PCDH9: variants seen among roughly 807,000 people sequenced by gnomAD.
PCDH9 encodes protocadherin 9, also known as protocadherin-9.
PCDH9 carries 24 observed loss-of-function variants against 70.6 expected under a neutral mutation model. The observed-to-expected ratio is 0.34, with a 90% CI of 0.25 to 0.48. PCDH9 has a LOEUF of 0.48. Among genes scored for constraint, PCDH9 ranks in the 20% least tolerant of loss-of-function variants. PCDH9 has a pLI of 0.99. For synonymous variants in PCDH9, 562 were observed against 558.5 expected, an observed-to-expected ratio of 1.01 and a Z score of -0.09; for missense variants, 1,281 against 1,503.6, an observed-to-expected ratio of 0.85 and a Z score of 2.45.
intron 2 of PCDH9, among the ~76,000 whole-genome samples, chr13:66,950,846 CATCT>C (rs1213284694): frequency 3.3e-5 from 5 of 152,076 alleles, no homozygotes; most frequent in African/African-American, 9.7e-5. Flanking sequence ...TCTATCTATC[CATCT>C]GTCATATGGC....
At chr13:66,799,547 A>G (rs958594148) in intron 3 of PCDH9, among the ~76,000 whole-genome samples, 1 of 152,178 alleles carries the variant, frequency 6.6e-6, no homozygotes, top group Non-Finnish European at 1.5e-5. Context: ...ATTAACTGCT[A>G]AGAACTATAA....
chr13:67,006,462 C>A (rs1301354270), intron 2 of PCDH9, among the ~76,000 whole-genome samples: 1 of 152,102 alleles, frequency 6.6e-6, no homozygotes, highest in African/African-American at 2.4e-5. Flanking sequence ...TACTGATTGC[C>A]AAGTCTCAAT....
At chr13:66,988,430 A>AT (rs2083936795) in intron 2 of PCDH9, among the ~76,000 whole-genome samples, 1 of 152,010 alleles carries the variant, frequency 6.6e-6, no homozygotes, top group Non-Finnish European at 1.5e-5. Context: ...ATTTATCCTC[A>AT]CTAAGCACAA....
chr13:66,991,578 CTT>C (rs2084003858), intron 2 of PCDH9, among the ~76,000 whole-genome samples: 1 of 151,920 alleles, frequency 6.6e-6, no homozygotes, highest in Non-Finnish European at 1.5e-5. Context: ...TCAAATTTGA[CTT>C]ATATATTGAA....
intron 4 of PCDH9, among the ~76,000 whole-genome samples, chr13:66,449,570 T>A (rs1958164974): frequency 6.6e-6 from 1 of 152,130 alleles, no homozygotes; most frequent in African/African-American, 2.4e-5. Flanking sequence ...TACGCCCACC[T>A]CACAAGAGTG....
intron 3 of PCDH9, among the ~76,000 whole-genome samples, chr13:66,810,484 AGC>A (rs1213416601): frequency 1.3e-5 from 2 of 152,048 alleles, no homozygotes; most frequent in Non-Finnish European, 2.9e-5. Context: ...AAAAATATAG[AGC>A]TTATAATATT....
rs529787932 is a variant in PCDH9, at chr13:66,662,199, G to T, written c.3139-30788C>A. Reference sequence around the variant, plus strand: ...TAAAGAATGTCACATAAGGCCGGGCGTGGTGGCTCACCCCTGTAATCCTGG... The same window carrying T: ...TAAAGAATGTCACATAAGGCCGGGCTTGGTGGCTCACCCCTGTAATCCTGG... On this transcript the variant is annotated intron_variant, in intron 3 of 4. Transcript: ENST00000377865. Among the ~76,000 whole-genome samples, 10 of 152,160 alleles carry T rather than the reference G, an allele frequency of 6.6e-5. No individual in the cohort carries two copies. In the South Asian group the frequency reaches 2.1e-3, roughly 32 times the overall value.
At chr13:67,128,323 A>G (rs976767039) in intron 2 of PCDH9, among the ~76,000 whole-genome samples, 6 of 152,196 alleles carry the variant, frequency 3.9e-5, no homozygotes, top group African/African-American at 1.2e-4. Context: ...AAGATAACAC[A>G]ATGCAAGTAT....
intron 4 of PCDH9, among the ~76,000 whole-genome samples, chr13:66,410,690 G>A (rs1357765544): frequency 3.3e-5 from 5 of 152,118 alleles, no homozygotes; most frequent in East Asian, 3.9e-4. Flanking sequence ...GCTGAATATC[G>A]CTCACTGAAT....
intron 3 of PCDH9, among the ~76,000 whole-genome samples, chr13:66,820,981 T>A (rs1402392211): frequency 6.6e-6 from 1 of 152,146 alleles, no homozygotes; most frequent in African/African-American, 2.4e-5. Flanking sequence ...CATGTTCCCC[T>A]GAACTTAAAA....
intron 3 of PCDH9, among the ~76,000 whole-genome samples, chr13:66,717,401 A>G (rs7981273): frequency 0.98 from 134,835 of 137,922 alleles, 65,998 homozygotes; most frequent in East Asian, 1. Context: ...CTAGTAAGCC[A>G]AGATCACACC....
chr13:66,732,132 A>G (rs2079087032), intron 3 of PCDH9, among the ~76,000 whole-genome samples: 1 of 151,970 alleles, frequency 6.6e-6, no homozygotes, highest in Non-Finnish European at 1.5e-5. Context: ...TATTTTTAAA[A>G]ACTTTCTTTG....
rs1955426703 is a variant in PCDH9 at position 66,304,488 on chromosome 13, C to T, written c.*167G>A. 3 of 588,550 alleles carry T rather than the reference C, an allele frequency of 5.1e-6. No individual in the cohort carries two copies. The highest frequency in any genetic ancestry group is 9.0e-6 in the Non-Finnish European group (3 of 332,534). 36.5% of individuals were successfully genotyped at this position (588,550 alleles called of 1,614,324 possible). On this transcript the variant is annotated 3_prime_UTR_variant, in exon 5 of 5. Coordinates refer to ENST00000377865, the MANE Select transcript of PCDH9 (RefSeq NM_203487.3). ...AAAATTGCATGGCTAGAACTATCTT[C>T]TCTCATATGTTGCAAAAACATTGTA...
At chr13:66,393,884 T>A (rs1957060248) in intron 4 of PCDH9, among the ~76,000 whole-genome samples, 1 of 152,170 alleles carries the variant, frequency 6.6e-6, no homozygotes. Context: ...AAATATTTAT[T>A]GAATAAGTGA....
At chr13:67,154,117 C>T (rs920454197) in intron 2 of PCDH9, among the ~76,000 whole-genome samples, 1 of 151,994 alleles carries the variant, frequency 6.6e-6, no homozygotes, top group African/African-American at 2.4e-5. Context: ...AAAAACAGTA[C>T]ATGTATATAA....
chr13:66,526,948 G>A (rs955070182), intron 4 of PCDH9, among the ~76,000 whole-genome samples: 2 of 152,158 alleles, frequency 1.3e-5, no homozygotes, highest in Admixed American at 1.3e-4. Context: ...TGATAGAAAA[G>A]GCCATTCCAT....
intron 4 of PCDH9, among the ~76,000 whole-genome samples, chr13:66,520,190 C>G (rs542820876): frequency 6.6e-6 from 1 of 152,068 alleles, no homozygotes; most frequent in African/African-American, 2.4e-5. Context: ...TTGTTTTGAA[C>G]GTCTTAAACT....
chr13:67,042,244 G>C (rs2085134653), intron 2 of PCDH9, among the ~76,000 whole-genome samples: 1 of 152,090 alleles, frequency 6.6e-6, no homozygotes. Flanking sequence ...CTGCTATAAA[G>C]AACTGCCCGA....
intron 4 of PCDH9, among the ~76,000 whole-genome samples, chr13:66,565,356 T>C (rs1211879420): frequency 1.3e-5 from 2 of 152,186 alleles, no homozygotes; most frequent in African/African-American, 4.8e-5. Context: ...TGTTCTTCCA[T>C]TTTCATGAAC....
Sources: allele counts gnomAD v4.1 joint callset (sites outside exome capture counted in the v4.1 genomes callset), GRCh38; gene constraint gnomAD v4.1.1; transcripts MANE v1.5; gene names NCBI Gene and HGNC (gene_info 2026-07-23, HGNC 2026-07-21).